ANO1: variants seen among roughly 807,000 people sequenced by gnomAD.
ANO1 encodes anoctamin-1.
In ANO1, 59 loss-of-function variants were observed where a neutral mutation model predicts 124.0. The observed-to-expected ratio is 0.48, with a 90% confidence interval of 0.39 to 0.59. The LOEUF (loss-of-function observed/expected upper bound fraction) is 0.59, where lower values mean the gene tolerates loss of function less well. ANO1 is among the 20% of genes least tolerant of loss of function. The pLI is 0.00. For missense variants in ANO1, 1,059 were observed against 1,328.0 expected (o/e 0.80, Z 3.15); for synonymous variants, 529 against 532.0 (o/e 0.99, Z 0.08).
chr11:70,031,165 G>A (rs1431394013), intron 1 of ANO1, among the ~76,000 whole-genome samples: 2 of 152,126 alleles, frequency 1.3e-5, no homozygotes, highest in African/African-American at 4.8e-5. Flanking sequence ...GGCTGGTGTC[G>A]AATTCATGGT....
intron 1 of ANO1, among the ~76,000 whole-genome samples, chr11:70,018,717 C>G (rs782296631): frequency 2.6e-4 from 40 of 152,204 alleles, no homozygotes; most frequent in Admixed American, 2.6e-3. Context: ...TGTAGCCCAT[C>G]GGACAGATAC....
the ANO1 span, among the ~76,000 whole-genome samples, chr11:69,977,101 G>T: frequency 6.6e-6 from 1 of 152,314 alleles, no homozygotes; most frequent in South Asian, 2.1e-4. Flanking sequence ...GCAGGGAGGC[G>T]GCCAACCAGC....
At chr11:70,081,496 G>A (rs2044199225) in intron 1 of ANO1, among the ~76,000 whole-genome samples, 1 of 152,218 alleles carries the variant, frequency 6.6e-6, no homozygotes, top group African/African-American at 2.4e-5. Context: ...GTTTAAAACT[G>A]ATGTTCCCTT....
intron 1 of ANO1, among the ~76,000 whole-genome samples, chr11:69,988,133 C>T (rs1282926061): frequency 3.3e-5 from 5 of 152,204 alleles, no homozygotes; most frequent in Non-Finnish European, 4.4e-5. Flanking sequence ...ACGCCACTTT[C>T]GCTCTGTCCA....
intron 11 of ANO1, among the ~76,000 whole-genome samples, chr11:70,136,908 G>A (rs1286857284): frequency 3.4e-5 from 5 of 147,544 alleles, no homozygotes; most frequent in African/African-American, 7.3e-5. Flanking sequence ...GGTGTAGGGC[G>A]TGAGTTCCAG....
At chr11:69,996,114 A>C (rs1856266878) in intron 1 of ANO1, among the ~76,000 whole-genome samples, 1 of 151,610 alleles carries the variant, frequency 6.6e-6, no homozygotes, top group Non-Finnish European at 1.5e-5. Context: ...GTCTCAAAAC[A>C]AACCAACCAA....
At chr11:70,169,275 C>T (rs1590910401) in intron 21 of ANO1, among the ~76,000 whole-genome samples, 1 of 152,118 alleles carries the variant, frequency 6.6e-6, no homozygotes, top group Non-Finnish European at 1.5e-5. Flanking sequence ...CCCACATACA[C>T]GGGGAGTGGC....
rs529937602 is a variant in ANO1, at chr11:70,153,006, C to T, written c.1354-51C>T. On this transcript the variant is annotated intron_variant, in intron 13 of 25. Coordinates refer to ENST00000355303, the MANE Select transcript of ANO1 (RefSeq NM_018043.7). ...TGCCAAGTATGCTCACGCTGAGGAG[C>T]TCAGACTCAAAATTAACAAGGACTC... is the stretch of plus-strand genomic sequence containing the variant. 3.9e-6 allele frequency: 6 copies of T among 1,522,482 alleles called. No homozygotes were observed. The South Asian group carries it at 4.8e-5, about 12-fold the overall frequency. 94.3% of individuals were successfully genotyped at this position (1,522,482 alleles called of 1,614,324 possible). A position where few individuals can be genotyped will look rare whatever the true frequency, so the allele number is the denominator to read the frequency against.
chr11:70,033,952 C>A (rs1555004098), intron 1 of ANO1, among the ~76,000 whole-genome samples: 4 of 151,862 alleles, frequency 2.6e-5, no homozygotes, highest in Non-Finnish European at 5.9e-5. Context: ...AGTAAGAATT[C>A]ATACAAATGG....
intron 1 of ANO1, among the ~76,000 whole-genome samples, chr11:70,039,651 G>A (rs549242401): frequency 6.6e-5 from 10 of 151,038 alleles, no homozygotes; most frequent in Non-Finnish European, 1.3e-4. Flanking sequence ...CTCCCCTTCC[G>A]CAGGTAGTAG....
At chr11:70,149,409 G>C (rs915078982) in intron 11 of ANO1, 13 of 374,856 alleles carry the variant, frequency 3.5e-5, no homozygotes, top group Non-Finnish European at 6.1e-5. Flanking sequence ...CCCACACTTT[G>C]GGAGGCCAAG....
At position 70,048,314 on chromosome 11, in the gene ANO1, T is replaced by C. The variant is rs1857291840; in HGVS notation, c.59-30228T>C. 2.6e-5 allele frequency among the ~76,000 whole-genome samples: 4 copies of C among 152,214 alleles called. No individual in the cohort carries two copies. The South Asian group carries it at 8.3e-4, about 31-fold the overall frequency. ...TAAACTCTATCAGATATTTATCAGATGTTTTAGCTTCTTTTAAGGTTGAAT... is the reference window on the plus strand; with the variant it reads ...TAAACTCTATCAGATATTTATCAGACGTTTTAGCTTCTTTTAAGGTTGAAT... On this transcript the variant is annotated intron_variant, in intron 1 of 27. Coordinates refer to the ANO1 transcript ENST00000531349.
chr11:70,151,230 G>A lies in ANO1; in HGVS notation c.1342-1220G>A, dbSNP rs150530359. Among the ~76,000 whole-genome samples the A allele has an allele frequency of 3.4e-3, 524 of 152,354 alleles. 1 individual carries two copies. The highest frequency in any genetic ancestry group is 5.9e-3 in the Non-Finnish European group (401 of 68,024). The stretch of plus-strand genomic sequence containing the variant: ...GTCAGTGCCCCATAAACGGCTGCCC[G>A]GCTAGTGGCCACTGGGCGACACCTT... On this transcript the variant is annotated intron_variant, in intron 12 of 25. Coordinates refer to ENST00000355303, the MANE Select transcript of ANO1 (RefSeq NM_018043.7).
At chr11:70,085,878 GC>G (rs2135213021) in intron 1 of ANO1, among the ~76,000 whole-genome samples, 1 of 152,370 alleles carries the variant, frequency 6.6e-6, no homozygotes, top group Admixed American at 6.5e-5. Context: ...GATTCTGCCT[GC>G]CCCTTTTCCC....
intron 1 of ANO1, among the ~76,000 whole-genome samples, chr11:70,020,271 T>C (rs1046555320): frequency 5.3e-5 from 8 of 152,140 alleles, no homozygotes; most frequent in Non-Finnish European, 1.0e-4. Context: ...ACAGCCCACT[T>C]CCTATCCACA....
At chr11:69,969,858 AAT>A in the ANO1 span, among the ~76,000 whole-genome samples, 2 of 152,142 alleles carry the variant, frequency 1.3e-5, no homozygotes, top group African/African-American at 4.8e-5. Context: ...GAGGCAGGAG[AAT>A]CGCTTGAACC....
chr11:70,181,511 A>G (rs2048928538), intron 23 of ANO1, among the ~76,000 whole-genome samples: 1 of 152,224 alleles, frequency 6.6e-6, no homozygotes, highest in African/African-American at 2.4e-5. Flanking sequence ...GCCCTGAGGC[A>G]GGGCCCATGC....
chr11:69,978,658 C>G, the ANO1 span, among the ~76,000 whole-genome samples: 1 of 152,182 alleles, frequency 6.6e-6, no homozygotes, highest in African/African-American at 2.4e-5. Context: ...GCCCAGGCCT[C>G]CTTCTTGATT....
At chr11:70,066,226 G>T (rs1857714142) in intron 1 of ANO1, among the ~76,000 whole-genome samples, 2 of 152,268 alleles carry the variant, frequency 1.3e-5, no homozygotes, top group Non-Finnish European at 2.9e-5. Flanking sequence ...TGTGACAGCT[G>T]TGATAATAAA....
Sources: allele counts gnomAD v4.1 joint callset (sites outside exome capture counted in the v4.1 genomes callset), GRCh38; gene constraint gnomAD v4.1.1; transcripts MANE v1.5; gene names NCBI Gene and HGNC (gene_info 2026-07-23, HGNC 2026-07-21).